MKI67: variants seen among roughly 807,000 people sequenced by gnomAD.
MKI67 encodes the protein proliferation marker protein Ki-67.
MKI67 carries 152 observed loss-of-function variants against 233.5 expected under a neutral mutation model. The observed-to-expected ratio is 0.65, with a 90% CI of 0.57 to 0.74. The LOEUF (loss-of-function observed/expected upper bound fraction) is 0.74. MKI67 is among the 30% of genes least tolerant of loss of function. The probability of loss-of-function intolerance (pLI) is 0.00; values close to 1 mark genes in which losing one functional copy is unlikely to be tolerated. For synonymous variants in MKI67, 1,465 were observed against 1,418.5 expected (o/e 1.03, Z -0.74); for missense variants, 3,940 against 3,885.2 (o/e 1.01, Z -0.37).
In MKI67 at chr10:128,102,638, T is replaced by C. The variant is rs1390733224; in HGVS notation, c.9202A>G (p.Asn3068Asp). 2 of 1,614,270 alleles carry C rather than the reference T, an allele frequency of 1.2e-6. No homozygotes were observed. Among genetic ancestry groups the C allele is most frequent in the South Asian group, 2.2e-5 (2 of 91,084 alleles). Residue 3068 changes from asparagine to aspartate, a missense_variant, in exon 13 of 15, where the codon AAC becomes GAC. By Grantham distance (23) the Asn-to-Asp change is conservative. Coordinates refer to ENST00000368654, the MANE Select transcript of MKI67 (RefSeq NM_002417.5). Reference sequence around the variant, plus strand: ...TCCTCTTTGTTGGTTTTCATGTCGTTGCTGTTCAGCTCTTCCGCAGGTTCA... The same window carrying C: ...TCCTCTTTGTTGGTTTTCATGTCGTCGCTGTTCAGCTCTTCCGCAGGTTCA... ...RIEPAEELNS[N>D]DMKTNKEEHK...
intron 12 of MKI67, among the ~76,000 whole-genome samples, chr10:128,109,853 C>T (rs958494176): frequency 2.0e-5 from 3 of 152,022 alleles, no homozygotes; most frequent in Non-Finnish European, 2.9e-5. Flanking sequence ...ATTTACCTAC[C>T]GCAAACATCT....
chr10:128,115,556 G>T lies in MKI67; in HGVS notation c.852C>A (p.Thr284=). 1 of 1,614,138 alleles carries T rather than the reference G, an allele frequency of 6.2e-7. No homozygotes were observed. The change falls in exon 7 of 15, where the codon ACC becomes ACA. Residue 284 remains threonine, a synonymous_variant. Coordinates refer to ENST00000368654, the MANE Select transcript of MKI67 (RefSeq NM_002417.5). Reference sequence around the variant, plus strand: ...TTGACTTACGCGAGACCAACAGTTGGGTCTCCCCCTGTAAACCATCAGCAC... The same window carrying T: ...TTGACTTACGCGAGACCAACAGTTGTGTCTCCCCCTGTAAACCATCAGCAC... ...KESADGLQGE[T]QLLVSRKSRP...
chr10:128,115,424 A>T lies in MKI67; in HGVS notation c.984T>A (p.Thr328=), dbSNP rs767120766. ...AGCTGGCGCCCACAGCCTTGCTGGGAGTCTGAACAGACTCCACGTCTCTTC... is the reference window on the plus strand; with the variant it reads ...AGCTGGCGCCCACAGCCTTGCTGGGTGTCTGAACAGACTCCACGTCTCTTC... The part of the protein sequence containing the change: ...GKGRDVESVQ[T]PSKAVGASFP... The change falls in exon 7 of 15, where the codon ACT becomes ACA. Residue 328 remains threonine, a synonymous_variant. Coordinates refer to ENST00000368654, the MANE Select transcript of MKI67 (RefSeq NM_002417.5). The T allele has an allele frequency of 2.5e-6, 4 of 1,613,940 alleles. No individual in the cohort carries two copies. In the African/African-American group the frequency reaches 5.3e-5, roughly 22 times the overall value.
intron 2 of MKI67, among the ~76,000 whole-genome samples, chr10:128,123,379 A>G (rs1008090546): frequency 1.3e-5 from 2 of 151,022 alleles, no homozygotes; most frequent in African/African-American, 5.0e-5. Flanking sequence ...TCTTTAAAAC[A>G]GAGAGTATGT....
chr10:128,100,680 G>C (rs966323879), intron 14 of MKI67, among the ~76,000 whole-genome samples: 4 of 152,116 alleles, frequency 2.6e-5, no homozygotes, highest in Non-Finnish European at 5.9e-5. Context: ...ATTATGAGTG[G>C]CTCAACTTGA....
chr10:128,104,231 C>T lies in MKI67; in HGVS notation c.7609G>A (p.Ala2537Thr), dbSNP rs760918568. Reference sequence around the variant, plus strand: ...TGCCTCCTGCTACCAGTTACACTTGCTGCTGGGTCCAGGATCTGCTTTGGA... The same window carrying T: ...TGCCTCCTGCTACCAGTTACACTTGTTGCTGGGTCCAGGATCTGCTTTGGA... ...ESPKQILDPA[A>T]SVTGSRRQLR... Residue 2537 changes from alanine to threonine, a missense_variant, in exon 13 of 15, where the codon GCA becomes ACA. Coordinates refer to ENST00000368654, the MANE Select transcript of MKI67 (RefSeq NM_002417.5). 1.9e-6 allele frequency: 3 copies of T among 1,614,072 alleles called. No individual in the cohort carries two copies. The highest frequency in any genetic ancestry group is 2.5e-6 in the Non-Finnish European group (3 of 1,180,006).
intron 4 of MKI67, 26 bp downstream of exon 4, chr10:128,122,855 T>C (rs749671997): frequency 8.5e-7 from 1 of 1,177,288 alleles, no homozygotes; most frequent in East Asian, 2.4e-5. Context: ...TGACATTTAC[T>C]GTTAGACCAA....
Position 128,105,936 on chromosome 10 carries a change from C to T in MKI67, c.5904G>A (p.Glu1968=), listed in dbSNP as rs61729186. ...TGATTTTGTCATCGGTCATTGATTCCTCAGTGTGACCTGGTGTCTGGAAGA... is the reference window on the plus strand; with the variant it reads ...TGATTTTGTCATCGGTCATTGATTCTTCAGTGTGACCTGGTGTCTGGAAGA... ...KELFQTPGHT[E]ESMTDDKITE... is the part of the protein sequence containing the mutation. Residue 1968 remains glutamate (E), a synonymous_variant, in exon 13 of 15, where the codon GAG becomes GAA. Coordinates refer to ENST00000368654, the MANE Select transcript of MKI67 (RefSeq NM_002417.5). The T allele has an allele frequency of 1.3e-5, 21 of 1,614,024 alleles. No homozygotes were observed. The highest frequency in any genetic ancestry group is 1.2e-4 in the African/African-American group (9 of 74,988).
At position 128,105,841 on chromosome 10, in the gene MKI67, T is replaced by C. The variant is rs754591016; in HGVS notation, c.5999A>G (p.Lys2000Arg). The C allele has an allele frequency of 5.0e-6, 8 of 1,614,202 alleles. No individual in the cohort carries two copies. The Admixed American group carries it at 1.3e-4, about 27-fold the overall frequency. The stretch of plus-strand genomic sequence containing the variant: ...CACACCTACTTTCCCCAAGGATATC[T>C]TGAGTCGTTGCTTGGAGCTTGTTGG... Reference protein sequence around the residue: ...KTPTSSKQRLKISLGKVGVKE... With the variant: ...KTPTSSKQRLRISLGKVGVKE... The change falls in exon 13 of 15, where the codon AAG becomes AGG. Residue 2000 changes from lysine (K) to arginine (R), a missense_variant. Transcript: ENST00000368654.
Position 128,101,549 on chromosome 10 carries a change from A to G in MKI67, c.9414T>C (p.Asp3138=). The change falls in exon 14 of 15, where the codon GAT becomes GAC. Residue 3138 remains aspartate, a synonymous_variant. Coordinates refer to ENST00000368654, the MANE Select transcript of MKI67 (RefSeq NM_002417.5). Reference sequence around the variant, plus strand: ...CTCTAGGTATGGGTTTCCGGGCTCCATCATCTGGATTCTGAATGTCCATCT... The same window carrying G: ...CTCTAGGTATGGGTTTCCGGGCTCCGTCATCTGGATTCTGAATGTCCATCT... ...SPEMDIQNPD[D]GARKPIPRDK... is the part of the protein sequence containing the mutation. The G allele has an allele frequency of 1.9e-6, 3 of 1,614,224 alleles. No homozygotes were observed. The highest frequency in any genetic ancestry group is 2.5e-6 in the Non-Finnish European group (3 of 1,180,046).
At chr10:128,118,159 A>AG (rs1462492120) in intron 5 of MKI67, among the ~76,000 whole-genome samples, 1 of 152,166 alleles carries the variant, frequency 6.6e-6, no homozygotes, top group Non-Finnish European at 1.5e-5. Context: ...GCACTTTGGG[A>AG]GGCCCAGGTG....
chr10:128,109,457 A>G (rs766928552), intron 12 of MKI67, 34 bp from the exon 13 acceptor site: 6 of 1,577,094 alleles, frequency 3.8e-6, no homozygotes, highest in East Asian at 2.2e-5. Context: ...AAAACATTCT[A>G]TTAGTGTCTC....
In MKI67 at chr10:128,112,450, C is replaced by A; in HGVS notation, c.1657-5G>T. On this transcript the variant is annotated splice_polypyrimidine_tract_variant and splice_region_variant and intron_variant, in intron 8 of 14. Transcript: ENST00000368654. ...TCCTGATGGTTGAGGCTGTTCCTGA[C>A]AAGACAAAATTGTTTACAAGAAGCC... 1 of 1,612,398 alleles carries A rather than the reference C, an allele frequency of 6.2e-7. No homozygotes were observed. The highest frequency in any genetic ancestry group is 1.1e-5 in the South Asian group (1 of 91,022).
chr10:128,099,455 G>A (rs557297598), intron 14 of MKI67, among the ~76,000 whole-genome samples, 200 bp from the exon 15 acceptor site: 1 of 152,274 alleles, frequency 6.6e-6, no homozygotes, highest in East Asian at 1.9e-4. Flanking sequence ...CTTTTATTAT[G>A]CAGTTTTTTT....
At chr10:128,109,825 C>A (rs779589588) in intron 12 of MKI67, among the ~76,000 whole-genome samples, 1 of 152,132 alleles carries the variant, frequency 6.6e-6, no homozygotes, top group Non-Finnish European at 1.5e-5. Context: ...TGGTTAGGGT[C>A]CATATTACAC....
rs527501918 is a variant in MKI67, at chr10:128,108,658, T to A, written c.3182A>T (p.Asp1061Val). ...CTTAAACGTTCTGATGCTCTTGCCA[T>A]CTCCTGCTGGCTCTCTGTGCGTGTG... Reference protein sequence around the residue: ...TTHTHREPAGDGKSIRTFKES... With the variant: ...TTHTHREPAGVGKSIRTFKES... The change falls in exon 13 of 15, where the codon GAT (aspartate) becomes GTT (valine). Residue 1061 changes from aspartate (D) to valine (V), a missense_variant. Asp to Val is a radical substitution (Grantham distance 152). Transcript: ENST00000368654. 2 of 1,614,138 alleles carry A rather than the reference T, an allele frequency of 1.2e-6. No individual in the cohort carries two copies. The highest frequency in any genetic ancestry group is 2.7e-5 in the African/African-American group (2 of 75,034).
rs200363806 is a variant in MKI67, at chr10:128,105,067, C to T, written c.6773G>A (p.Arg2258Gln). 22 of 1,613,786 alleles carry T rather than the reference C, an allele frequency of 1.4e-5. No homozygotes were observed. Among genetic ancestry groups the T allele is most frequent in the South Asian group, 1.1e-4 (10 of 91,070 alleles). The change falls in exon 13 of 15, where the codon CGA becomes CAA. Residue 2258 changes from arginine to glutamine, a missense_variant. Physicochemically the swap from Arg to Gln is conservative, Grantham distance 43. Transcript: ENST00000368654. ...VEEESLALRK[R>Q]TPSVGKAMDT... The stretch of plus-strand genomic sequence containing the variant: ...CATAGCTTTCCCTACTGATGGTGTT[C>T]GTTTCCTGAGTGCTAAGGATTCTTC...
chr10:128,115,925 A>T lies in MKI67; in HGVS notation c.483T>A (p.Asn161Lys), dbSNP rs1477997541. ...CATCTGCGGTACTGTCTTCTTTGAC[A>T]TTCTTGATATGTACCTGAGGATTTC... Reference protein sequence around the residue: ...VSGNPQVHIKNVKEDSTADDS... With the variant: ...VSGNPQVHIKKVKEDSTADDS... The change falls in exon 7 of 15, where the codon AAT becomes AAA. Residue 161 changes from asparagine (N) to lysine (K), a missense_variant. Asn to Lys is a moderately conservative substitution (Grantham distance 94). Coordinates refer to ENST00000368654, the MANE Select transcript of MKI67 (RefSeq NM_002417.5). 6.2e-7 allele frequency: 1 copy of T among 1,611,734 alleles called. No homozygotes were observed. The highest frequency in any genetic ancestry group is 1.3e-5 in the African/African-American group (1 of 75,036).
rs1370618719 is a variant in MKI67 at position 128,111,777 on chromosome 10, G to A, written c.2128C>T (p.His710Tyr). The change falls in exon 11 of 15, where the codon CAC (histidine) becomes TAC (tyrosine). Residue 710 changes from histidine to tyrosine, a missense_variant. His to Tyr is a moderately conservative substitution (Grantham distance 83, BLOSUM62 2). Transcript: ENST00000368654. Reference protein sequence around the residue: ...GEVHSQFSTGHANSPCTIIIG... With the variant: ...GEVHSQFSTGYANSPCTIIIG... ...ATTATGGTACAAGGAGAGTTTGCGT[G>A]GCCTGTACTAAATTGACTGTGAACT... 2 of 1,613,868 alleles carry A rather than the reference G, an allele frequency of 1.2e-6. No individual in the cohort carries two copies. The highest frequency in any genetic ancestry group is 8.5e-7 in the Non-Finnish European group (1 of 1,180,006).
Sources: allele counts gnomAD v4.1 joint callset (sites outside exome capture counted in the v4.1 genomes callset), GRCh38; gene constraint gnomAD v4.1.1; transcripts MANE v1.5; gene names NCBI Gene and HGNC (gene_info 2026-07-23, HGNC 2026-07-21).